Variants in NFILZ observed in about 807,000 individuals in gnomAD.
NFILZ encodes NFIL3 like protein.
intron 3 of NFILZ, among the ~76,000 whole-genome samples, chr19:8,663,787 T>TGTGTGTGTG (rs2043048906): frequency 2.7e-5 from 4 of 148,718 alleles, no homozygotes; most frequent in Admixed American, 6.7e-5. Flanking sequence ...TGTGTGTTTG[T>TGTGTGTGTG]TGTGGGGGGG....
intron 3 of NFILZ, among the ~76,000 whole-genome samples, chr19:8,664,836 G>A (rs2043054609): frequency 6.6e-6 from 1 of 152,092 alleles, no homozygotes; most frequent in Non-Finnish European, 1.5e-5. Flanking sequence ...GGGTGGAGAA[G>A]GCAGAGAGCT....
intron 2 of NFILZ, among the ~76,000 whole-genome samples, chr19:8,634,059 G>A (rs1181401550): frequency 1.3e-5 from 2 of 150,602 alleles, no homozygotes; most frequent in Non-Finnish European, 3.0e-5. Flanking sequence ...GTACGGTGGC[G>A]CCATCTCGGC....
chr19:8,634,813 G>A (rs568876721), intron 2 of NFILZ, among the ~76,000 whole-genome samples: 17 of 152,126 alleles, frequency 1.1e-4, no homozygotes, highest in African/African-American at 3.9e-4. Flanking sequence ...CCGGGAAGTC[G>A]AGGCTGCATC....
At chr19:8,672,490 A>C (rs1555750362) in intron 3 of NFILZ, among the ~76,000 whole-genome samples, 1 of 152,202 alleles carries the variant, frequency 6.6e-6, no homozygotes, top group African/African-American at 2.4e-5. Context: ...ATTCAAAAAA[A>C]ATCCATGCAC....
chr19:8,652,988 C>T (rs1450315852), intron 3 of NFILZ, among the ~76,000 whole-genome samples: 6,974 of 41,156 alleles, frequency 0.17, 482 homozygotes, highest in East Asian at 0.52. Context: ...TCCTTCCTTC[C>T]TTCCTTCCTT....
chr19:8,671,893 G>A (rs2043088685), intron 3 of NFILZ, among the ~76,000 whole-genome samples: 1 of 152,292 alleles, frequency 6.6e-6, no homozygotes, highest in Non-Finnish European at 1.5e-5. Flanking sequence ...CCCCAAGTGA[G>A]GGCTTGTCTG....
At chr19:8,665,228 C>T (rs2043056556) in intron 3 of NFILZ, among the ~76,000 whole-genome samples, 1 of 152,026 alleles carries the variant, frequency 6.6e-6, no homozygotes, top group South Asian at 2.1e-4. Context: ...TAGGAGGTAG[C>T]ATCTAAGCTG....
intron 3 of NFILZ, among the ~76,000 whole-genome samples, chr19:8,645,585 A>G (rs1432346202): frequency 6.6e-6 from 1 of 152,200 alleles, no homozygotes; most frequent in African/African-American, 2.4e-5. Flanking sequence ...ATGAGAGGCA[A>G]GGACATTTGC....
At chr19:8,660,640 CT>C (rs71179880) in intron 3 of NFILZ, among the ~76,000 whole-genome samples, 63,826 of 111,496 alleles carry the variant, frequency 0.57, 17,780 homozygotes, top group South Asian at 0.62. Flanking sequence ...CCCTCCCTTA[CT>C]TTTTTTTTTT....
chr19:8,645,299 GA>G (rs2042934429), intron 3 of NFILZ, among the ~76,000 whole-genome samples: 2 of 135,930 alleles, frequency 1.5e-5, no homozygotes, highest in South Asian at 2.4e-4. Context: ...ACACCTGGGT[GA>G]TTTTTTTTTT....
chr19:8,668,970 A>G (rs1258176617), intron 3 of NFILZ, among the ~76,000 whole-genome samples: 2 of 151,726 alleles, frequency 1.3e-5, no homozygotes, highest in Non-Finnish European at 2.9e-5. Context: ...TTTGAGACAG[A>G]GTCTCACTCT....
At chr19:8,672,009 T>C (rs1277940670) in intron 3 of NFILZ, among the ~76,000 whole-genome samples, 1 of 152,266 alleles carries the variant, frequency 6.6e-6, no homozygotes, top group Non-Finnish European at 1.5e-5. Flanking sequence ...CTCACTGTTA[T>C]GGGTTCTGCC....
chr19:8,655,617 C>T (rs1405099264), intron 3 of NFILZ, among the ~76,000 whole-genome samples: 1 of 152,136 alleles, frequency 6.6e-6, no homozygotes, highest in Non-Finnish European at 1.5e-5. Context: ...GGGGAGACAG[C>T]GTCCAGAGCA....
chr19:8,649,358 C>T (rs868964540), intron 3 of NFILZ, among the ~76,000 whole-genome samples: 4 of 151,670 alleles, frequency 2.6e-5, no homozygotes, highest in Non-Finnish European at 4.4e-5. Flanking sequence ...CTCTACCTCC[C>T]GAGTTCAAGC....
chr19:8,663,916 G>C (rs1415322982), intron 3 of NFILZ, among the ~76,000 whole-genome samples: 1 of 152,002 alleles, frequency 6.6e-6, no homozygotes, highest in African/African-American at 2.4e-5. Flanking sequence ...GCCTTGGATG[G>C]ACACGAGGTG....
chr19:8,663,490 GAC>G (rs2043041938), intron 3 of NFILZ, among the ~76,000 whole-genome samples: 1 of 142,606 alleles, frequency 7.0e-6, no homozygotes, highest in African/African-American at 2.7e-5. Flanking sequence ...AGGTGGAGGG[GAC>G]GCTGGTGGTG....
intron 3 of NFILZ, among the ~76,000 whole-genome samples, chr19:8,662,827 G>A (rs2043038062): frequency 6.6e-6 from 1 of 151,454 alleles, no homozygotes; most frequent in Admixed American, 6.6e-5. Context: ...AGTAGACATG[G>A]GGTTTCACTG....
chr19:8,637,329 A>G (rs1169421644), intron 3 of NFILZ, among the ~76,000 whole-genome samples: 1 of 151,808 alleles, frequency 6.6e-6, no homozygotes, highest in African/African-American at 2.4e-5. Flanking sequence ...TGGGCAATAG[A>G]AAAAAAACCA....
chr19:8,673,762 G>A (rs2146173054), intron 3 of NFILZ, among the ~76,000 whole-genome samples: 1 of 152,286 alleles, frequency 6.6e-6, no homozygotes, highest in East Asian at 1.9e-4. Flanking sequence ...AGGTGGTCCT[G>A]GGCATGAGTG....
Sources: gnomAD v4.1 joint callset for allele counts (sites outside exome capture counted in the v4.1 genomes callset) on GRCh38, gnomAD v4.1.1 for gene constraint, MANE v1.5 for transcripts, NCBI Gene and HGNC (gene_info 2026-07-23, HGNC 2026-07-21) for gene names.